The following SMAD9 variants were observed in gnomAD, a reference collection of about 807,000 sequenced individuals.
The protein encoded by SMAD9 is MAD homolog 9.
A neutral mutation model predicts 46.1 loss-of-function variants in SMAD9; 36 were observed. The ratio of observed to expected loss-of-function variants is 0.78; its 90% CI spans 0.60 to 1.03. SMAD9 has a LOEUF of 1.03. Among genes scored for constraint, SMAD9 ranks in the 50% least tolerant of loss-of-function variants. SMAD9 has a pLI of 0.00. For missense variants in SMAD9, 572 were observed against 599.8 expected, an observed-to-expected ratio of 0.95 and a Z score of 0.48; for synonymous variants, 245 against 237.1, an observed-to-expected ratio of 1.03 and a Z score of -0.31.
chr13:36,908,217 C>G (rs969420729), intron 1 of SMAD9, among the ~76,000 whole-genome samples: 6 of 152,172 alleles, frequency 3.9e-5, no homozygotes, highest in African/African-American at 1.4e-4. Context: ...GATCTGTTTT[C>G]TGTTTCACAA....
At chr13:36,884,019 A>C (rs2058425285) in intron 1 of SMAD9, among the ~76,000 whole-genome samples, 1 of 152,120 alleles carries the variant, frequency 6.6e-6, no homozygotes, top group Non-Finnish European at 1.5e-5. Context: ...TGGATGTGTC[A>C]CATGGGATCT....
chr13:36,860,199 G>A (rs1566016097), intron 5 of SMAD9, among the ~76,000 whole-genome samples: 2 of 152,052 alleles, frequency 1.3e-5, no homozygotes, highest in Non-Finnish European at 2.9e-5. Context: ...GAGCTGACTG[G>A]TGAAATCCTT....
intron 1 of SMAD9, among the ~76,000 whole-genome samples, chr13:36,916,709 G>C (rs890987216): frequency 6.6e-6 from 1 of 151,918 alleles, no homozygotes. Flanking sequence ...ATTAGTCTAT[G>C]AGTAACTTAA....
chr13:36,855,855 G>A (rs527685490), intron 5 of SMAD9, among the ~76,000 whole-genome samples: 195 of 152,236 alleles, frequency 1.3e-3, no homozygotes, highest in Non-Finnish European at 2.1e-3. Context: ...AGCCAGGGTC[G>A]CACAGCTAAA....
intron 1 of SMAD9, among the ~76,000 whole-genome samples, chr13:36,911,434 A>G (rs988901781): frequency 8.5e-5 from 13 of 152,160 alleles, no homozygotes; most frequent in Admixed American, 5.2e-4. Context: ...CCTACTTCCT[A>G]TGCATAGTCT....
chr13:36,868,240 A>G (rs1399614230), intron 3 of SMAD9, among the ~76,000 whole-genome samples: 2 of 152,226 alleles, frequency 1.3e-5, no homozygotes, highest in Admixed American at 6.5e-5. Flanking sequence ...TTCCGATTCA[A>G]TAGGTCAGTG....
At chr13:36,907,622 C>A (rs2058629559) in intron 1 of SMAD9, among the ~76,000 whole-genome samples, 1 of 152,166 alleles carries the variant, frequency 6.6e-6, no homozygotes, top group African/African-American at 2.4e-5. Flanking sequence ...ATGCAATGAG[C>A]TATGATTGCA....
chr13:36,914,597 C>G (rs562395710), intron 1 of SMAD9, among the ~76,000 whole-genome samples: 1 of 152,192 alleles, frequency 6.6e-6, no homozygotes, highest in African/African-American at 2.4e-5. Context: ...AACTCCAATT[C>G]TCTCACTGTG....
Position 36,846,830 on chromosome 13 carries a change from T to A in SMAD9, c.*1846A>T, listed in dbSNP as rs1240120334. ...AGCAAAAGATGATAGATTACATTAT[T>A]TTGTTTTGTTTTAAAAGTTCTGAAA... On this transcript the variant is annotated 3_prime_UTR_variant, in exon 7 of 7. Coordinates refer to ENST00000379826, the MANE Select transcript of SMAD9 (RefSeq NM_001127217.3). The A allele has an allele frequency of 6.6e-6, 1 of 152,190 alleles. No homozygotes were observed. Among genetic ancestry groups the A allele is most frequent in the Non-Finnish European group, 1.5e-5 (1 of 68,036 alleles). The allele number at this position is 152,190 out of a possible 1,614,324, so 9.4% of individuals were successfully genotyped here.
chr13:36,888,538 T>C (rs2058466039), intron 1 of SMAD9, among the ~76,000 whole-genome samples: 1 of 152,152 alleles, frequency 6.6e-6, no homozygotes, highest in South Asian at 2.1e-4. Flanking sequence ...TTCACCTTTA[T>C]GATACAGAAG....
In SMAD9 at chr13:36,879,767, A is replaced by C; in HGVS notation, c.-78T>G. The C allele has an allele frequency of 1.3e-6, 2 of 1,556,038 alleles. No individual in the cohort carries two copies. The highest frequency in any genetic ancestry group is 1.8e-6 in the Non-Finnish European group (2 of 1,136,636). On this transcript the variant is annotated 5_prime_UTR_variant, in exon 2 of 7. Coordinates refer to ENST00000379826, the MANE Select transcript of SMAD9 (RefSeq NM_001127217.3). ...CAAAGTGGGCGGCGAGTAGCTCTCC[A>C]GGGGTGGCATAGGGACCAACCCGCC...
intron 5 of SMAD9, among the ~76,000 whole-genome samples, chr13:36,855,509 T>C (rs2058115968): frequency 6.6e-6 from 1 of 152,134 alleles, no homozygotes; most frequent in South Asian, 2.1e-4. Flanking sequence ...GTCAATGTGA[T>C]TATACATATG....
At chr13:36,850,013 A>G (rs2058061961) in intron 6 of SMAD9, 1 of 152,230 alleles carries the variant, frequency 6.6e-6, no homozygotes, top group Non-Finnish European at 1.5e-5. Flanking sequence ...AAACCCTCAG[A>G]AGAGTCATCC....
chr13:36,845,741 T>C lies in SMAD9; in HGVS notation c.*2935A>G, dbSNP rs2058034824. The C allele has an allele frequency of 6.6e-6, 1 of 152,176 alleles. No homozygotes were observed. Among genetic ancestry groups the C allele is most frequent in the Admixed American group, 6.5e-5 (1 of 15,278 alleles). The allele number at this position is 152,176 out of a possible 1,614,324, so 9.4% of individuals were successfully genotyped here. On this transcript the variant is annotated 3_prime_UTR_variant, in exon 7 of 7. Coordinates refer to ENST00000379826, the MANE Select transcript of SMAD9 (RefSeq NM_001127217.3). ...AACTCTTGGTAGCAAAAGAAAAAGC[T>C]GATTAAAATATGATTGTGTTACAAT...
chr13:36,901,352 TTC>T (rs1046199642), intron 1 of SMAD9, among the ~76,000 whole-genome samples: 1 of 152,016 alleles, frequency 6.6e-6, no homozygotes, highest in Non-Finnish European at 1.5e-5. Context: ...TTTTCACTGT[TTC>T]TGTTTTTATT....
At chr13:36,907,844 C>G (rs1273276123) in intron 1 of SMAD9, among the ~76,000 whole-genome samples, 2 of 152,134 alleles carry the variant, frequency 1.3e-5, no homozygotes, top group African/African-American at 2.4e-5. Flanking sequence ...TTAATAAACT[C>G]TAATTTTCAG....
chr13:36,865,408 G>A, intron 5 of SMAD9, 129 bp downstream of exon 5: 2 of 743,484 alleles, frequency 2.7e-6, no homozygotes, highest in South Asian at 1.5e-5. Context: ...CTATCTCAGA[G>A]CTCACCAGCC....
In SMAD9 at chr13:36,879,485, C is replaced by G; in HGVS notation, c.205G>C (p.Val69Leu). 1 of 1,613,980 alleles carries G rather than the reference C, an allele frequency of 6.2e-7. No individual in the cohort carries two copies. Among genetic ancestry groups the G allele is most frequent in the Non-Finnish European group, 8.5e-7 (1 of 1,180,036 alleles). ...LSCPGQPSKCVTIPRSLDGRL... is the reference protein window; with the variant it reads ...LSCPGQPSKCLTIPRSLDGRL... ...CCGTCCAGGGAGCGGGGAATCGTGA[C>G]GCATTTGCTGGGCTGCCCCGGGCAG... The change falls in exon 2 of 7, where the codon GTC (valine) becomes CTC (leucine). Residue 69 changes from valine (V) to leucine (L), a missense_variant. By Grantham distance (32) the Val-to-Leu change is conservative. Coordinates refer to ENST00000379826, the MANE Select transcript of SMAD9 (RefSeq NM_001127217.3).
chr13:36,900,167 A>G (rs903370376), intron 1 of SMAD9, among the ~76,000 whole-genome samples: 3 of 152,154 alleles, frequency 2.0e-5, no homozygotes, highest in Non-Finnish European at 4.4e-5. Flanking sequence ...AACTATTTCA[A>G]AGCACTTACT....
Sources: gnomAD v4.1 joint callset for allele counts (sites outside exome capture counted in the v4.1 genomes callset) on GRCh38, gnomAD v4.1.1 for gene constraint, MANE v1.5 for transcripts, NCBI Gene and HGNC (gene_info 2026-07-23, HGNC 2026-07-21) for gene names.